Variants in CCDC150 observed in about 807,000 individuals in gnomAD.
CCDC150 encodes coiled-coil domain-containing protein 150.
A neutral mutation model predicts 156.5 loss-of-function variants in CCDC150; 151 were observed. The ratio of observed to expected loss-of-function variants is 0.97; its 90% CI spans 0.85 to 1.10. CCDC150 has a LOEUF of 1.10. Ranked by LOEUF, CCDC150 falls within the 50% of genes least tolerant of loss-of-function variation. The probability of loss-of-function intolerance (pLI) is 0.00; values close to 1 mark genes in which losing one functional copy is unlikely to be tolerated. For synonymous variants in CCDC150, 452 were observed against 429.4 expected (o/e 1.05, Z -0.65); for missense variants, 1,312 against 1,268.1 (o/e 1.03, Z -0.53).
chr2:196,668,554 A>G (rs1053697491), intron 7 of CCDC150, among the ~76,000 whole-genome samples: 1 of 152,208 alleles, frequency 6.6e-6, no homozygotes, highest in Non-Finnish European at 1.5e-5. Flanking sequence ...GCCTGTCTGA[A>G]TGCCAGCTAG....
chr2:196,720,594 G>A lies in CCDC150; in HGVS notation c.2185G>A (p.Val729Met), dbSNP rs373215627. The A allele has an allele frequency of 6.2e-7, 1 of 1,613,844 alleles. No homozygotes were observed. The highest frequency in any genetic ancestry group is 8.5e-7 in the Non-Finnish European group (1 of 1,179,796). ...TTTTAGGGATCTCAATCAACAGAGG[G>A]TGCAGAAGCTGGAAGCTGAAGTGGA... ...KKERDLNQQR[V>M]QKLEAEVDQW... Residue 729 changes from valine (V) to methionine (M), a missense_variant, in exon 20 of 28, where the codon GTG becomes ATG. By Grantham distance (21) the Val-to-Met change is conservative. Coordinates refer to ENST00000389175, the MANE Select transcript of CCDC150 (RefSeq NM_001080539.2).
intron 23 of CCDC150, 87 bp downstream of exon 23, chr2:196,729,474 C>T (rs1436249614): frequency 7.8e-7 from 1 of 1,284,122 alleles, no homozygotes; most frequent in East Asian, 2.3e-5. Context: ...GGTTTTAGAA[C>T]CCTAGCAGCC....
Position 196,667,044 on chromosome 2 carries a change from C to T in CCDC150, c.892+196C>T, listed in dbSNP as rs1407069771. 6.7e-6 allele frequency: 4 copies of T among 596,532 alleles called. No homozygotes were observed. The East Asian group carries it at 8.5e-5, about 13-fold the overall frequency. 37.0% of individuals were successfully genotyped at this position (596,532 alleles called of 1,614,324 possible). A position where few individuals can be genotyped will look rare whatever the true frequency, so the allele number is the denominator to read the frequency against. ...GATTGTTGTTAATAATATATTTGAC[C>T]CTGTTAATTGTAAACTATTCCTTAT... On this transcript the variant is annotated intron_variant, in intron 7 of 27. Coordinates refer to ENST00000389175, the MANE Select transcript of CCDC150 (RefSeq NM_001080539.2).
intron 17 of CCDC150, chr2:196,713,334 A>G (rs1697264496): frequency 1.4e-6 from 2 of 1,441,366 alleles, no homozygotes; most frequent in East Asian, 2.5e-5. Context: ...AGCTGATTTT[A>G]TTGTTTTTAT....
intron 6 of CCDC150, 38 bp downstream of exon 6, chr2:196,665,721 G>A: frequency 8.0e-7 from 1 of 1,254,170 alleles, no homozygotes. Flanking sequence ...TTTGGGAAAT[G>A]AAACCAAACA....
chr2:196,646,316 A>C (rs778514199), intron 1 of CCDC150, 25 bp from the exon 2 acceptor site: 1 of 1,608,696 alleles, frequency 6.2e-7, no homozygotes, highest in Non-Finnish European at 8.5e-7. Flanking sequence ...GACCTACCAC[A>C]CTAAGATTGT....
chr2:196,720,551 T>A, intron 19 of CCDC150, 24 bp from the exon 20 acceptor site: 1 of 1,598,330 alleles, frequency 6.3e-7, no homozygotes. Flanking sequence ...CTGTAGTCAC[T>A]CTTTTTGTGC....
intron 17 of CCDC150, among the ~76,000 whole-genome samples, chr2:196,715,189 T>C (rs1235191341): frequency 1.3e-5 from 2 of 152,138 alleles, no homozygotes; most frequent in Non-Finnish European, 2.9e-5. Context: ...ACACATGACA[T>C]GTATACAAGG....
chr2:196,674,631 G>T (rs543605235), intron 10 of CCDC150, among the ~76,000 whole-genome samples: 6 of 126,006 alleles, frequency 4.8e-5, no homozygotes, highest in Admixed American at 8.7e-5. Context: ...TAACCTTAAA[G>T]TACTTAACCT....
chr2:196,700,761 T>C (rs531261697), intron 14 of CCDC150, among the ~76,000 whole-genome samples: 2 of 152,310 alleles, frequency 1.3e-5, no homozygotes, highest in Non-Finnish European at 2.9e-5. Context: ...CGTAAAGAAC[T>C]GTGTAATGCT....
At chr2:196,643,988 T>C (rs1033520748) in intron 1 of CCDC150, among the ~76,000 whole-genome samples, 5 of 152,236 alleles carry the variant, frequency 3.3e-5, no homozygotes, top group African/African-American at 1.2e-4. Flanking sequence ...TATCAGACAC[T>C]GGTGATCCTT....
intron 19 of CCDC150, chr2:196,720,082 A>G (rs1416254517): frequency 5.0e-6 from 2 of 399,286 alleles, no homozygotes; most frequent in East Asian, 1.6e-4. Flanking sequence ...TAATTATTTT[A>G]GGTGAATCAT....
At chr2:196,677,711 C>T (rs553168638) in intron 13 of CCDC150, among the ~76,000 whole-genome samples, 13 of 152,214 alleles carry the variant, frequency 8.5e-5, no homozygotes, top group Non-Finnish European at 1.5e-4. Flanking sequence ...AAACTAACGG[C>T]TGGGTGAGGT....
intron 15 of CCDC150, among the ~76,000 whole-genome samples, chr2:196,704,615 T>C (rs889137665): frequency 6.6e-6 from 1 of 152,164 alleles, no homozygotes; most frequent in Non-Finnish European, 1.5e-5. Context: ...GTTTGTTACA[T>C]AGATATACAT....
intron 2 of CCDC150, among the ~76,000 whole-genome samples, chr2:196,648,785 T>G (rs1428986817): frequency 6.6e-6 from 1 of 152,166 alleles, no homozygotes; most frequent in African/African-American, 2.4e-5. Context: ...GTTTTACATC[T>G]GTCTTTAATC....
intron 22 of CCDC150, among the ~76,000 whole-genome samples, chr2:196,728,270 C>G (rs1295006420): frequency 2.0e-5 from 3 of 152,132 alleles, no homozygotes; most frequent in Non-Finnish European, 4.4e-5. Context: ...TTTAGAAAGG[C>G]TGTGATTGAG....
intron 19 of CCDC150, 192 bp downstream of exon 19, chr2:196,719,858 ATGCCCCTAT>A (rs1253030841): frequency 7.0e-6 from 3 of 427,464 alleles, no homozygotes; most frequent in Non-Finnish European, 1.2e-5. Context: ...AAAATTCAAA[ATGCCCCTAT>A]TGTGTAGTGA....
chr2:196,658,513 A>G (rs76712412), intron 4 of CCDC150, among the ~76,000 whole-genome samples: 44 of 152,324 alleles, frequency 2.9e-4, no homozygotes, highest in African/African-American at 1.1e-3. Flanking sequence ...TTGACCTCTA[A>G]TTATTGAATT....
intron 13 of CCDC150, among the ~76,000 whole-genome samples, chr2:196,679,944 C>G (rs1046978403): frequency 1.3e-5 from 2 of 152,058 alleles, no homozygotes; most frequent in African/African-American, 4.8e-5. Context: ...ATTTTAAATT[C>G]AGTTGTTTTT....
Sources: allele counts gnomAD v4.1 joint callset (sites outside exome capture counted in the v4.1 genomes callset), GRCh38; gene constraint gnomAD v4.1.1; transcripts MANE v1.5; gene names NCBI Gene and HGNC (gene_info 2026-07-23, HGNC 2026-07-21).